Variants in PPP1R42 observed in about 807,000 individuals in gnomAD.
The protein encoded by PPP1R42 is leucine rich repeat containing 67.
PPP1R42 carries 34 observed loss-of-function variants against 31.0 expected under a neutral mutation model. The ratio of observed to expected loss-of-function variants is 1.10; its 90% confidence interval spans 0.83 to 1.46. PPP1R42 has a LOEUF of 1.46. Among genes scored for constraint, PPP1R42 ranks in the 40% most tolerant of loss-of-function variants. PPP1R42 has a pLI of 0.00. For synonymous variants in PPP1R42, 103 were observed against 109.8 expected, an observed-to-expected ratio of 0.94 and a Z score of 0.39; for missense variants, 268 against 303.0, an observed-to-expected ratio of 0.88 and a Z score of 0.86.
chr8:66,979,905 G>T (rs1225888276), intron 7 of PPP1R42, among the ~76,000 whole-genome samples: 2 of 152,076 alleles, frequency 1.3e-5, no homozygotes, highest in South Asian at 4.1e-4. Flanking sequence ...AAATTAGGAA[G>T]AATTTTTGAA....
At chr8:66,982,208 A>G (rs982778146) in intron 6 of PPP1R42, 28 bp from the exon 7 acceptor site, 13 of 1,125,540 alleles carry the variant, frequency 1.2e-5, no homozygotes, top group African/African-American at 3.2e-5. Flanking sequence ...CATTTAAAAA[A>G]TACAATATAT....
intron 4 of PPP1R42, among the ~76,000 whole-genome samples, chr8:67,012,188 G>T (rs565954072): frequency 6.6e-6 from 1 of 152,136 alleles, no homozygotes; most frequent in South Asian, 2.1e-4. Flanking sequence ...GTGAGCAGAG[G>T]TCGTGCCACT....
intron 1 of PPP1R42, among the ~76,000 whole-genome samples, chr8:67,019,939 A>C (rs2129537128): frequency 6.6e-6 from 1 of 151,918 alleles, no homozygotes. Flanking sequence ...AGCCCCAGAG[A>C]TTTATCTTAA....
chr8:67,024,164 G>C (rs1046732857), intron 1 of PPP1R42, among the ~76,000 whole-genome samples: 2 of 151,908 alleles, frequency 1.3e-5, no homozygotes, highest in Non-Finnish European at 2.9e-5. Context: ...CCAAAAAAAA[G>C]ATAGCCATAC....
At chr8:66,973,569 G>A (rs1475930682) in intron 7 of PPP1R42, among the ~76,000 whole-genome samples, 1 of 152,158 alleles carries the variant, frequency 6.6e-6, no homozygotes, top group African/African-American at 2.4e-5. Context: ...GCCTCCCAAA[G>A]TGCTGAGATT....
chr8:67,010,363 C>A (rs966004935), intron 5 of PPP1R42, among the ~76,000 whole-genome samples: 2 of 152,144 alleles, frequency 1.3e-5, no homozygotes, highest in African/African-American at 4.8e-5. Context: ...CAGGTCTAGT[C>A]ACAGTTACTA....
chr8:66,982,024 A>G (rs1814856542), intron 7 of PPP1R42, 25 bp downstream of exon 7: 1 of 1,336,332 alleles, frequency 7.5e-7, no homozygotes, highest in Non-Finnish European at 9.6e-7. Context: ...AAGAGCAGTC[A>G]CCTAATGAGT....
At chr8:67,025,959 C>T (rs1270509616) in intron 1 of PPP1R42, among the ~76,000 whole-genome samples, 2 of 143,984 alleles carry the variant, frequency 1.4e-5, no homozygotes, top group South Asian at 2.2e-4. Context: ...GAGCCCAGAT[C>T]GCACCACTAC....
At chr8:67,004,623 T>TA (rs1291367295) in intron 5 of PPP1R42, among the ~76,000 whole-genome samples, 3 of 152,214 alleles carry the variant, frequency 2.0e-5, no homozygotes, top group Non-Finnish European at 4.4e-5. Flanking sequence ...AGAATCTTGC[T>TA]TTTATTTTGA....
At chr8:66,998,363 A>G (rs1776241397) in intron 5 of PPP1R42, among the ~76,000 whole-genome samples, 1 of 152,228 alleles carries the variant, frequency 6.6e-6, no homozygotes, top group South Asian at 2.1e-4. Context: ...CTGCTAGTCA[A>G]TGGAAACACA....
intron 2 of PPP1R42, among the ~76,000 whole-genome samples, chr8:67,016,062 G>C (rs980948297): frequency 3.3e-5 from 5 of 152,128 alleles, no homozygotes; most frequent in Admixed American, 2.0e-4. Context: ...TACATGATAT[G>C]ATGAGGTAGA....
intron 1 of PPP1R42, among the ~76,000 whole-genome samples, chr8:67,022,328 T>G (rs568376013): frequency 9.9e-4 from 151 of 152,332 alleles, no homozygotes; most frequent in African/African-American, 3.5e-3. Context: ...CTATTTCTTA[T>G]ATTTTGCCCA....
intron 1 of PPP1R42, among the ~76,000 whole-genome samples, chr8:67,018,198 C>T (rs1389921804): frequency 6.6e-6 from 1 of 151,392 alleles, no homozygotes; most frequent in Non-Finnish European, 1.5e-5. Context: ...TCACTGCAAT[C>T]TCCCCCTCCC....
At chr8:66,989,316 T>A (rs1389445296) in intron 5 of PPP1R42, among the ~76,000 whole-genome samples, 1 of 152,152 alleles carries the variant, frequency 6.6e-6, no homozygotes, top group Non-Finnish European at 1.5e-5. Context: ...CTCAGTTTGC[T>A]TTTTTCACAG....
chr8:66,986,021 C>T lies in PPP1R42; in HGVS notation c.670+2379G>A, dbSNP rs1056615955. On this transcript the variant is annotated intron_variant, in intron 6 of 7. Coordinates refer to ENST00000685739, the MANE Select transcript of PPP1R42 (RefSeq NM_001364910.1). The stretch of plus-strand genomic sequence containing the variant: ...GCCTAGAGCTTCCGCCTTCCTCCTA[C>T]AGCCTCAGTTTGTCCACAAATCGGG... 6 of 749,202 alleles carry T rather than the reference C, an allele frequency of 8.0e-6. No individual in the cohort carries two copies. In the African/African-American group the frequency reaches 1.0e-4, roughly 13 times the overall value. The allele number at this position is 749,202 out of a possible 1,614,324, so 46.4% of individuals were successfully genotyped here.
chr8:67,008,773 T>C (rs139768089), intron 5 of PPP1R42, among the ~76,000 whole-genome samples: 14 of 152,012 alleles, frequency 9.2e-5, no homozygotes, highest in African/African-American at 3.1e-4. Context: ...AATGAAGGTA[T>C]TTATTTTGGC....
At chr8:66,981,295 T>C (rs1323639356) in intron 7 of PPP1R42, among the ~76,000 whole-genome samples, 1 of 152,080 alleles carries the variant, frequency 6.6e-6, no homozygotes, top group Non-Finnish European at 1.5e-5. Context: ...GGTGTTGGAG[T>C]ATGTGCATAA....
In PPP1R42 at chr8:66,975,054, T is replaced by C. The variant is rs558656155; in HGVS notation, c.802+6995A>G. On this transcript the variant is annotated intron_variant, in intron 7 of 7. Coordinates refer to ENST00000685739, the MANE Select transcript of PPP1R42 (RefSeq NM_001364910.1). ...AATTGGGATTTTGATAGAAATTGCATTGAATCTGTGGATCACTTTTGGTCT... is the reference window on the plus strand; with the variant it reads ...AATTGGGATTTTGATAGAAATTGCACTGAATCTGTGGATCACTTTTGGTCT... Among the ~76,000 whole-genome samples, 8 of 152,352 alleles carry C rather than the reference T, an allele frequency of 5.3e-5. No individual in the cohort carries two copies. The South Asian group carries it at 1.2e-3, about 24-fold the overall frequency.
chr8:66,964,461 G>A (rs1864701303), intron 7 of PPP1R42, 127 bp from the exon 8 acceptor site: 1 of 331,704 alleles, frequency 3.0e-6, no homozygotes, highest in Non-Finnish European at 5.2e-6. Context: ...TCACCAAACA[G>A]TGTGAATCTT....
Sources: gnomAD v4.1 joint callset for allele counts (sites outside exome capture counted in the v4.1 genomes callset) on GRCh38, gnomAD v4.1.1 for gene constraint, MANE v1.5 for transcripts, NCBI Gene and HGNC (gene_info 2026-07-23, HGNC 2026-07-21) for gene names.